LBH: variants seen among roughly 807,000 people sequenced by gnomAD.
LBH encodes the protein LBH regulator of Wnt signaling pathway.
A neutral mutation model predicts 12.5 loss-of-function variants in LBH; 7 were observed. The observed-to-expected ratio is 0.56, with a 90% CI of 0.32 to 1.05. LBH has a LOEUF of 1.05. LBH is among the 50% of genes least tolerant of loss of function. The pLI is 0.04. For synonymous variants in LBH, 51 were observed against 50.1 expected (o/e 1.02, Z -0.08); for missense variants, 119 against 138.9 (o/e 0.86, Z 0.72).
intron 1 of LBH, chr2:30,232,115 G>T (rs552430919): frequency 1.3e-6 from 2 of 1,543,960 alleles, no homozygotes; most frequent in South Asian, 2.4e-5. Context: ...CTTGGCGCAG[G>T]GGGGCTCCTG....
rs777184651 is a variant in LBH, at chr2:30,234,456, G to A, written c.78G>A (p.Gln26=). 1.2e-6 allele frequency: 2 copies of A among 1,614,160 alleles called. No individual in the cohort carries two copies. The highest frequency in any genetic ancestry group is 1.7e-6 in the Non-Finnish European group (2 of 1,180,002). Residue 26 remains glutamine, a synonymous_variant, in exon 2 of 3, where the codon CAG becomes CAA. Coordinates refer to ENST00000395323, the MANE Select transcript of LBH (RefSeq NM_030915.4). The part of the protein sequence containing the change: ...AKMTEVMMNT[Q]PMEEIGLSPR... ...TGACTGAGGTGATGATGAACACCCA[G>A]CCCATGGAGGAGATCGGCCTCAGCC...
chr2:30,232,476 A>G, intron 1 of LBH: 1 of 417,616 alleles, frequency 2.4e-6, no homozygotes, highest in Non-Finnish European at 4.3e-6. Context: ...GGAGGGATGC[A>G]GAGAGAGGCA....
At position 30,257,764 on chromosome 2, in the gene LBH, G is replaced by A. The variant is rs1678111936; in HGVS notation, c.*143G>A. On this transcript the variant is annotated 3_prime_UTR_variant, in exon 3 of 3. Coordinates refer to ENST00000395323, the MANE Select transcript of LBH (RefSeq NM_030915.4). ...TTCTGTTTTGCACCTGCAGATCACC[G>A]AGTTGGTTTTCTTTTCTTTTCTTGC... 5.4e-6 allele frequency: 3 copies of A among 558,808 alleles called. No individual in the cohort carries two copies. Among genetic ancestry groups the A allele is most frequent in the East Asian group, 3.3e-5 (1 of 30,182 alleles). The allele number at this position is 558,808 out of a possible 1,614,324, so 34.6% of individuals were successfully genotyped here.
In LBH at chr2:30,258,345, A is replaced by T. The variant is rs1678122846; in HGVS notation, c.*724A>T. ...CTGCTCCCAGCTGTGGTAGGCTCAC[A>T]TAGCCAGTGTGATCGGTTTTTAAGA... is the stretch of plus-strand genomic sequence containing the variant. On this transcript the variant is annotated 3_prime_UTR_variant, in exon 3 of 3. Transcript: ENST00000395323. 6.6e-6 allele frequency: 1 copy of T among 152,304 alleles called. No homozygotes were observed. Among genetic ancestry groups the T allele is most frequent in the South Asian group, 2.1e-4 (1 of 4,836 alleles). The allele number at this position is 152,304 out of a possible 1,614,324, so 9.4% of individuals were successfully genotyped here. A position where few individuals can be genotyped will look rare whatever the true frequency, so the allele number is the denominator to read the frequency against.
At chr2:30,239,409 C>T (rs1022321499) in intron 2 of LBH, among the ~76,000 whole-genome samples, 1 of 152,200 alleles carries the variant, frequency 6.6e-6, no homozygotes. Flanking sequence ...CCTCATTACC[C>T]CTGTCTCATT....
chr2:30,259,240 G>A lies in LBH; in HGVS notation c.*1619G>A, dbSNP rs1191162990. 2 of 152,924 alleles carry A rather than the reference G, an allele frequency of 1.3e-5. No homozygotes were observed. Among genetic ancestry groups the A allele is most frequent in the African/African-American group, 4.8e-5 (2 of 41,440 alleles). The allele number at this position is 152,924 out of a possible 1,614,324, so 9.5% of individuals were successfully genotyped here. A position where few individuals can be genotyped will look rare whatever the true frequency, so the allele number is the denominator to read the frequency against. On this transcript the variant is annotated 3_prime_UTR_variant, in exon 3 of 3. Coordinates refer to ENST00000395323, the MANE Select transcript of LBH (RefSeq NM_030915.4). ...TGTGGCTCTGGGGATGCCGGGGCAG[G>A]AGGACGAGGGTGCGCTGTGGACACA...
At position 30,231,589 on chromosome 2, in the gene LBH, C is replaced by A; in HGVS notation, c.-150C>A. On this transcript the variant is annotated 5_prime_UTR_variant, in exon 1 of 3. Coordinates refer to ENST00000395323, the MANE Select transcript of LBH (RefSeq NM_030915.4). ...TGTCCACCTTGCCGACGTCGCTAGC[C>A]GTGGGGCTGTCCTGGGAAGGCGGAC... 1 of 714,146 alleles carries A rather than the reference C, an allele frequency of 1.4e-6. No homozygotes were observed. Among genetic ancestry groups the A allele is most frequent in the Non-Finnish European group, 2.5e-6 (1 of 403,624 alleles). The allele number at this position is 714,146 out of a possible 1,614,324, so 44.2% of individuals were successfully genotyped here. A position where few individuals can be genotyped will look rare whatever the true frequency, so the allele number is the denominator to read the frequency against.
chr2:30,241,933 A>G (rs1418271587), intron 2 of LBH, among the ~76,000 whole-genome samples: 1 of 152,184 alleles, frequency 6.6e-6, no homozygotes, highest in Non-Finnish European at 1.5e-5. Flanking sequence ...CGTCTAAGTC[A>G]TCAGCACTCT....
At chr2:30,254,112 A>G (rs532125568) in intron 2 of LBH, among the ~76,000 whole-genome samples, 1 of 152,302 alleles carries the variant, frequency 6.6e-6, no homozygotes, top group East Asian at 1.9e-4. Context: ...TCTCTGGGGG[A>G]TACGTTCCAG....
chr2:30,239,900 A>G (rs1677758563), intron 2 of LBH, among the ~76,000 whole-genome samples: 1 of 152,050 alleles, frequency 6.6e-6, no homozygotes, highest in African/African-American at 2.4e-5. Context: ...TCCCATGGGG[A>G]TTTCCTCCTG....
intron 2 of LBH, among the ~76,000 whole-genome samples, chr2:30,244,515 C>T (rs1677842073): frequency 6.6e-6 from 1 of 152,146 alleles, no homozygotes. Flanking sequence ...ACTAGCTTCA[C>T]CTGCTTCCTT....
intron 2 of LBH, among the ~76,000 whole-genome samples, chr2:30,257,078 T>A (rs1373881376): frequency 6.6e-6 from 1 of 152,248 alleles, no homozygotes; most frequent in East Asian, 1.9e-4. Flanking sequence ...AGTAAAATAC[T>A]TCCTGCAGAG....
At chr2:30,244,747 C>CA (rs953903592) in intron 2 of LBH, among the ~76,000 whole-genome samples, 1 of 150,854 alleles carries the variant, frequency 6.6e-6, no homozygotes, top group Non-Finnish European at 1.5e-5. Context: ...ACAACAAATA[C>CA]AAAAAAAAAT....
At chr2:30,242,139 T>C (rs1034547694) in intron 2 of LBH, among the ~76,000 whole-genome samples, 1 of 152,230 alleles carries the variant, frequency 6.6e-6, no homozygotes, top group African/African-American at 2.4e-5. Flanking sequence ...GCATACTTTA[T>C]ACTGTTTCCT....
At chr2:30,251,957 A>T (rs1484576478) in intron 2 of LBH, among the ~76,000 whole-genome samples, 4 of 152,084 alleles carry the variant, frequency 2.6e-5, no homozygotes, top group African/African-American at 9.7e-5. Context: ...GAGATGAACA[A>T]TGGTGCTTAC....
In LBH at chr2:30,251,218, G is replaced by C. The variant is rs1677973295; in HGVS notation, c.130-6215G>C. Among the ~76,000 whole-genome samples, 4 of 151,722 alleles carry C rather than the reference G, an allele frequency of 2.6e-5. No homozygotes were observed. In the South Asian group the frequency reaches 8.3e-4, roughly 32 times the overall value. On this transcript the variant is annotated intron_variant, in intron 2 of 2. Coordinates refer to ENST00000395323, the MANE Select transcript of LBH (RefSeq NM_030915.4). ...TACAGGCATGAGCCACCCGTGCCTG[G>C]CCAATTTTAGCCACCTTTCAAGTGC...
At chr2:30,241,208 G>A (rs1677782818) in intron 2 of LBH, among the ~76,000 whole-genome samples, 1 of 152,168 alleles carries the variant, frequency 6.6e-6, no homozygotes, top group Non-Finnish European at 1.5e-5. Context: ...ATGGACGTAG[G>A]CAGTGGTGCC....
At chr2:30,249,577 C>CGG (rs1677941242) in intron 2 of LBH, among the ~76,000 whole-genome samples, 1 of 152,184 alleles carries the variant, frequency 6.6e-6, no homozygotes, top group African/African-American at 2.4e-5. Flanking sequence ...TTTCATTCCC[C>CGG]CGGTCCTAAC....
intron 2 of LBH, among the ~76,000 whole-genome samples, chr2:30,241,224 A>C (rs1452253668): frequency 6.6e-6 from 1 of 152,212 alleles, no homozygotes; most frequent in Non-Finnish European, 1.5e-5. Flanking sequence ...GTGCCAGCGC[A>C]CATCCACTAA....
Sources: gnomAD v4.1 joint callset for allele counts (sites outside exome capture counted in the v4.1 genomes callset) on GRCh38, gnomAD v4.1.1 for gene constraint, MANE v1.5 for transcripts, NCBI Gene and HGNC (gene_info 2026-07-23, HGNC 2026-07-21) for gene names.